The following PRKCA variants were observed in gnomAD, a reference collection of about 807,000 sequenced individuals.
The protein encoded by PRKCA is protein kinase C alpha type.
PRKCA carries 27 observed loss-of-function variants against 87.0 expected under a neutral mutation model. The ratio of observed to expected loss-of-function variants is 0.31; its 90% CI spans 0.23 to 0.43. The LOEUF (loss-of-function observed/expected upper bound fraction) is 0.43, where lower values mean the gene tolerates loss of function less well. PRKCA is among the 20% of genes least tolerant of loss of function. The probability of loss-of-function intolerance (pLI) is 1.00; values close to 1 mark genes in which losing one functional copy is unlikely to be tolerated. For missense variants in PRKCA, 518 were observed against 852.3 expected (o/e 0.61, Z 4.88); for synonymous variants, 329 against 311.1 (o/e 1.06, Z -0.61).
At chr17:66,609,787 A>G (rs1234204936) in intron 3 of PRKCA, among the ~76,000 whole-genome samples, 3 of 150,864 alleles carry the variant, frequency 2.0e-5, no homozygotes, top group African/African-American at 7.4e-5. Context: ...GCAAGGCTTT[A>G]TTTTATTTTT....
intron 8 of PRKCA, among the ~76,000 whole-genome samples, chr17:66,731,566 C>T (rs1287502407): frequency 1.3e-5 from 2 of 151,944 alleles, no homozygotes; most frequent in South Asian, 2.1e-4. Context: ...AGGGCTCCTT[C>T]GGTGACAGTG....
At chr17:66,559,479 CAAAAAAAAAAAAAAA>C (rs34998780) in intron 3 of PRKCA, among the ~76,000 whole-genome samples, 2 of 36,688 alleles carry the variant, frequency 5.5e-5, no homozygotes, top group Middle Eastern at 0.016. Context: ...TCTGTCTCAC[CAAAAAAAAAAAAAAA>C]AAAAAAAAAA....
At chr17:66,585,145 G>A (rs1969554890) in intron 3 of PRKCA, among the ~76,000 whole-genome samples, 1 of 152,030 alleles carries the variant, frequency 6.6e-6, no homozygotes, top group African/African-American at 2.4e-5. Flanking sequence ...GGTTAGATAG[G>A]TGTGCCATTT....
intron 13 of PRKCA, among the ~76,000 whole-genome samples, chr17:66,765,433 T>TCTATATATCTATATATATAC (rs1974783816): frequency 7.5e-6 from 1 of 132,720 alleles, no homozygotes; most frequent in Admixed American, 7.4e-5. Flanking sequence ...TATATATATA[T>TCTATATATCTATATATATAC]ATATATATAT....
chr17:66,716,153 GTT>G (rs546895949), intron 8 of PRKCA, among the ~76,000 whole-genome samples: 1 of 145,724 alleles, frequency 6.9e-6, no homozygotes, highest in African/African-American at 2.5e-5. Flanking sequence ...ATCTCCCCGG[GTT>G]TTTTTTTTTA....
chr17:66,437,734 G>GT, intron 2 of PRKCA, among the ~76,000 whole-genome samples: 5 of 1,614 alleles, frequency 3.1e-3, no homozygotes, highest in African/African-American at 3.4e-3. Flanking sequence ...TTTTTTTTGA[G>GT]CGGGGGGTGG....
intron 2 of PRKCA, among the ~76,000 whole-genome samples, chr17:66,346,241 C>T (rs1440728098): frequency 6.6e-6 from 1 of 151,714 alleles, no homozygotes; most frequent in Non-Finnish European, 1.5e-5. Flanking sequence ...GGACTACAGG[C>T]ACGTGCCACC....
At chr17:66,603,216 A>C (rs1358886365) in intron 3 of PRKCA, among the ~76,000 whole-genome samples, 3 of 152,202 alleles carry the variant, frequency 2.0e-5, no homozygotes, top group Non-Finnish European at 2.9e-5. Context: ...GCCCAGGGCC[A>C]GTGCTCTCTC....
intron 8 of PRKCA, among the ~76,000 whole-genome samples, chr17:66,727,859 G>A (rs890084207): frequency 2.0e-5 from 3 of 152,202 alleles, no homozygotes; most frequent in South Asian, 2.1e-4. Flanking sequence ...TTGCCCTGGC[G>A]CCCTGCCCAC....
intron 2 of PRKCA, among the ~76,000 whole-genome samples, chr17:66,419,698 G>C (rs1397257311): frequency 6.6e-6 from 1 of 152,138 alleles, no homozygotes; most frequent in Admixed American, 6.5e-5. Flanking sequence ...CTCCGCATGA[G>C]AAAAACGGCA....
At chr17:66,605,964 G>A (rs1970196335) in intron 3 of PRKCA, among the ~76,000 whole-genome samples, 1 of 152,194 alleles carries the variant, frequency 6.6e-6, no homozygotes, top group Admixed American at 6.5e-5. Context: ...AACTGCTAAT[G>A]ACTTTGAGGT....
At chr17:66,404,693 GTC>G (rs1295525410) in intron 2 of PRKCA, among the ~76,000 whole-genome samples, 1 of 138,670 alleles carries the variant, frequency 7.2e-6, no homozygotes, top group Non-Finnish European at 1.5e-5. Flanking sequence ...TGGCTCCTCA[GTC>G]TCTGTTCCAC....
intron 3 of PRKCA, among the ~76,000 whole-genome samples, chr17:66,560,754 A>C (rs575571739): frequency 1.3e-5 from 2 of 152,236 alleles, no homozygotes. Flanking sequence ...ACTTAAGACT[A>C]TTACCAGCGC....
intron 2 of PRKCA, among the ~76,000 whole-genome samples, chr17:66,425,469 G>C (rs960385905): frequency 5.9e-5 from 9 of 152,304 alleles, no homozygotes; most frequent in African/African-American, 2.2e-4. Context: ...ATTGTCTGGA[G>C]AAAATCTCTC....
chr17:66,547,696 A>G (rs1968188660), intron 3 of PRKCA, among the ~76,000 whole-genome samples: 1 of 152,226 alleles, frequency 6.6e-6, no homozygotes, highest in South Asian at 2.1e-4. Flanking sequence ...AAATATTGAC[A>G]GAAGGCTGTG....
intron 3 of PRKCA, among the ~76,000 whole-genome samples, chr17:66,570,685 T>C (rs1273056203): frequency 6.6e-6 from 1 of 152,332 alleles, no homozygotes; most frequent in Admixed American, 6.5e-5. Context: ...GCAGTTTTCC[T>C]ATTAAAATTA....
chr17:66,544,123 C>T (rs375920722), intron 3 of PRKCA, among the ~76,000 whole-genome samples: 1 of 152,014 alleles, frequency 6.6e-6, no homozygotes, highest in Non-Finnish European at 1.5e-5. Context: ...GTGGGGGGAG[C>T]TGAGGCAGGA....
chr17:66,685,840 C>G (rs915363190), intron 5 of PRKCA, among the ~76,000 whole-genome samples: 2 of 152,232 alleles, frequency 1.3e-5, no homozygotes, highest in African/African-American at 4.8e-5. Context: ...ATAAACTATG[C>G]TAATTGCCTA....
In PRKCA at chr17:66,593,910, C is replaced by A. The variant is rs570335066; in HGVS notation, c.289-47445C>A. 2.1e-4 allele frequency among the ~76,000 whole-genome samples: 32 copies of A among 152,222 alleles called. 1 individual carries two copies. Among genetic ancestry groups the A allele is most frequent in the Admixed American group, 9.2e-4 (14 of 15,296 alleles). ...ACCAGCCTGGCCAACATGGAAAAAC[C>A]CCGTCTCTACTAAAAATACAAAAAA... On this transcript the variant is annotated intron_variant, in intron 3 of 16. Transcript: ENST00000413366.
Sources: gnomAD v4.1 joint callset for allele counts (sites outside exome capture counted in the v4.1 genomes callset) on GRCh38, gnomAD v4.1.1 for gene constraint, MANE v1.5 for transcripts, NCBI Gene and HGNC (gene_info 2026-07-23, HGNC 2026-07-21) for gene names.